DHRS7C: variants seen among roughly 807,000 people sequenced by gnomAD.
The protein encoded by DHRS7C is dehydrogenase/reductase SDR family member 7C.
DHRS7C carries 28 observed loss-of-function variants against 29.6 expected under a neutral mutation model. That is an observed-to-expected ratio of 0.95 (90% CI 0.70 to 1.30). The LOEUF (loss-of-function observed/expected upper bound fraction) is 1.30, where lower values mean the gene tolerates loss of function less well. Among genes scored for constraint, DHRS7C ranks in the 50% most tolerant of loss-of-function variants. The pLI is 0.00. For missense variants in DHRS7C, 403 were observed against 393.3 expected, an observed-to-expected ratio of 1.02 and a Z score of -0.21; for synonymous variants, 158 against 160.2, an observed-to-expected ratio of 0.99 and a Z score of 0.10.
intron 3 of DHRS7C, among the ~76,000 whole-genome samples, chr17:9,778,278 C>T (rs1325214326): frequency 6.6e-6 from 1 of 151,832 alleles, no homozygotes; most frequent in Non-Finnish European, 1.5e-5. Context: ...CCTGTAGTCC[C>T]AGCTACTCAG....
intron 1 of DHRS7C, among the ~76,000 whole-genome samples, chr17:9,783,883 G>A (rs1449790673): frequency 1.3e-5 from 2 of 151,668 alleles, no homozygotes; most frequent in African/African-American, 4.8e-5. Flanking sequence ...GGAGACTGCA[G>A]TAAATTGAGA....
At chr17:9,781,336 T>C in intron 2 of DHRS7C, 146 bp downstream of exon 2, 1 of 696,104 alleles carries the variant, frequency 1.4e-6, no homozygotes, top group Non-Finnish European at 2.4e-6. Flanking sequence ...CAAACATGCC[T>C]ATGTCAAGGT....
At chr17:9,784,647 A>G (rs940116251) in intron 1 of DHRS7C, among the ~76,000 whole-genome samples, 7 of 152,368 alleles carry the variant, frequency 4.6e-5, no homozygotes, top group South Asian at 2.1e-4. Flanking sequence ...AAAAAGATAA[A>G]GTTGCTAATA....
Position 9,772,920 on chromosome 17 carries a change from C to G in DHRS7C, c.574G>C (p.Ala192Pro). 6.2e-7 allele frequency: 1 copy of G among 1,613,286 alleles called. No individual in the cohort carries two copies. The highest frequency in any genetic ancestry group is 8.5e-7 in the Non-Finnish European group (1 of 1,179,756). ...CCCAGGGCTGCGTGCTTGGAGGCAGCGTCTGCGAGACAAACCATCCGGAGG... is the reference window on the plus strand; with the variant it reads ...CCCAGGGCTGCGTGCTTGGAGGCAGGGTCTGCGAGACAAACCATCCGGAGG... ...KFGIPFRTTY[A>P]ASKHAALGFF... The change falls in exon 5 of 6, where the codon GCT becomes CCT. Residue 192 changes from alanine (A) to proline (P), a missense_variant and splice_region_variant. Physicochemically the swap from Ala to Pro is conservative, Grantham distance 27 (BLOSUM62 -1). Transcript: ENST00000571134.
intron 4 of DHRS7C, among the ~76,000 whole-genome samples, chr17:9,776,420 C>T (rs2066362968): frequency 2.6e-5 from 4 of 152,168 alleles, no homozygotes; most frequent in Admixed American, 2.6e-4. Context: ...AAGCCCCAGA[C>T]TTGGTATTTT....
intron 3 of DHRS7C, among the ~76,000 whole-genome samples, chr17:9,777,616 A>G (rs1394258909): frequency 4.6e-5 from 7 of 151,854 alleles, no homozygotes; most frequent in Non-Finnish European, 1.5e-5. Context: ...GAACACGTGC[A>G]GATTTGTCAC....
At position 9,782,341 on chromosome 17, in the gene DHRS7C, C is replaced by T. The variant is rs1270627732; in HGVS notation, c.155-747G>A. The stretch of plus-strand genomic sequence containing the variant: ...GGAAGCAGACTCTGAGACAAGGATT[C>T]GGGTGGCCAGGATTTACTGAGGGCT... On this transcript the variant is annotated intron_variant, in intron 1 of 5. Coordinates refer to ENST00000571134, the MANE Select transcript of DHRS7C (RefSeq NM_001105571.3). 7.2e-5 allele frequency among the ~76,000 whole-genome samples: 11 copies of T among 152,260 alleles called. No individual in the cohort carries two copies. In the East Asian group the frequency reaches 1.4e-3, roughly 19 times the overall value.
At chr17:9,772,716 C>A (rs1405236520) in intron 5 of DHRS7C, 51 bp downstream of exon 5, 3 of 1,597,790 alleles carry the variant, frequency 1.9e-6, no homozygotes, top group Non-Finnish European at 2.6e-6. Context: ...CCAGTGACAC[C>A]GGACTGTTCC....
intron 3 of DHRS7C, among the ~76,000 whole-genome samples, chr17:9,777,894 A>G (rs1567701241): frequency 6.6e-6 from 1 of 152,212 alleles, no homozygotes; most frequent in Non-Finnish European, 1.5e-5. Flanking sequence ...TTATTTACTG[A>G]GAATGAAAGA....
chr17:9,772,586 G>A (rs1000272721), intron 5 of DHRS7C, among the ~76,000 whole-genome samples, 181 bp downstream of exon 5: 3 of 152,136 alleles, frequency 2.0e-5, no homozygotes, highest in Non-Finnish European at 4.4e-5. Context: ...TCTGTCTACC[G>A]GGTGCCTCAG....
At chr17:9,778,998 C>T (rs1315079092) in intron 3 of DHRS7C, among the ~76,000 whole-genome samples, 1 of 151,984 alleles carries the variant, frequency 6.6e-6, no homozygotes, top group Non-Finnish European at 1.5e-5. Flanking sequence ...CAACATCAGC[C>T]TCCCAGGTTC....
At chr17:9,778,574 C>T (rs2066375990) in intron 3 of DHRS7C, among the ~76,000 whole-genome samples, 1 of 152,240 alleles carries the variant, frequency 6.6e-6, no homozygotes, top group East Asian at 1.9e-4. Flanking sequence ...GTGAAGTCTC[C>T]GTTAAAGGTT....
intron 2 of DHRS7C, 130 bp downstream of exon 2, chr17:9,781,352 G>C: frequency 1.3e-6 from 1 of 784,858 alleles, no homozygotes. Context: ...AAGGTCATTG[G>C]GTTCATTGCC....
At chr17:9,773,489 G>A (rs1205972547) in intron 4 of DHRS7C, among the ~76,000 whole-genome samples, 1 of 152,160 alleles carries the variant, frequency 6.6e-6, no homozygotes, top group African/African-American at 2.4e-5. Flanking sequence ...CATTCCAGGA[G>A]TTCCAAAAAG....
rs2066348389 is a variant in DHRS7C, at chr17:9,774,242, A to C, written c.572-1320T>G. Among the ~76,000 whole-genome samples, 1 of 152,112 alleles carries C rather than the reference A, an allele frequency of 6.6e-6. No homozygotes were observed. The highest frequency in any genetic ancestry group is 6.5e-5 in the Admixed American group (1 of 15,278). ...GGCCTCATGGAGTCCTCATTTCATC[A>C]GTGGGGCAGACACGTGGACAGGTAA... On this transcript the variant is annotated intron_variant, in intron 4 of 5. Transcript: ENST00000571134. This position sits in a 1 kb window ranked among gnomAD's most constrained non-coding sequence, Gnocchi z 5.0.
intron 1 of DHRS7C, among the ~76,000 whole-genome samples, chr17:9,788,660 C>T (rs1483121613): frequency 6.6e-6 from 1 of 152,198 alleles, no homozygotes; most frequent in East Asian, 1.9e-4. Context: ...GCAATCCCTG[C>T]TGCTCCCGAT....
In DHRS7C at chr17:9,779,934, G is replaced by T. The variant is rs374888546; in HGVS notation, c.369C>A (p.Leu123=). Residue 123 remains leucine (L), a synonymous_variant, in exon 3 of 6, where the codon CTC becomes CTA. Transcript: ENST00000571134. ...VLDCYGCVDI[L]INNASVKVKG... ...TCACCTTCACACTGGCATTGTTGAT[G>T]AGGATGTCCACACAGCCATAGCAAT... The T allele has an allele frequency of 2.5e-6, 4 of 1,613,834 alleles. No individual in the cohort carries two copies. In the African/African-American group the frequency reaches 5.3e-5, roughly 22 times the overall value.
rs540428576 is a variant in DHRS7C, at chr17:9,774,746, G to T, written c.572-1824C>A. The stretch of plus-strand genomic sequence containing the variant: ...AGGGAACTGTGCTGGGGTGCTCAGG[G>T]ACACTGAATTCCTTTTGGGTGGTCA... On this transcript the variant is annotated intron_variant, in intron 4 of 5. Coordinates refer to ENST00000571134, the MANE Select transcript of DHRS7C (RefSeq NM_001105571.3). This position sits in a 1 kb window ranked among gnomAD's most constrained non-coding sequence, Gnocchi z 5.0. 1.3e-5 allele frequency among the ~76,000 whole-genome samples: 2 copies of T among 152,284 alleles called. No homozygotes were observed. The highest frequency in any genetic ancestry group is 3.9e-4 in the East Asian group (2 of 5,182).
intron 1 of DHRS7C, among the ~76,000 whole-genome samples, chr17:9,789,284 A>G (rs1301979716): frequency 6.6e-6 from 1 of 152,190 alleles, no homozygotes; most frequent in Non-Finnish European, 1.5e-5. Flanking sequence ...AGCACATTTA[A>G]AAGAATCGAA....
Sources: allele counts gnomAD v4.1 joint callset (sites outside exome capture counted in the v4.1 genomes callset), GRCh38; gene constraint gnomAD v4.1.1; non-coding constraint Gnocchi (gnomAD v3.1); transcripts MANE v1.5; gene names NCBI Gene and HGNC (gene_info 2026-07-23, HGNC 2026-07-21).